The following CPQ variants were observed in gnomAD, a reference collection of about 807,000 sequenced individuals.
The protein encoded by CPQ is carboxypeptidase Q, also known as Ser-Met dipeptidase.
Under a neutral mutation model 45.7 loss-of-function variants are expected in CPQ, and 37 were observed. That is an observed-to-expected ratio of 0.81 (90% CI 0.62 to 1.07). The LOEUF (loss-of-function observed/expected upper bound fraction) is 1.07. CPQ is among the 50% of genes least tolerant of loss of function. The pLI is 0.00. For synonymous variants in CPQ, 186 were observed against 205.8 expected (o/e 0.90, Z 0.82); for missense variants, 537 against 572.9 (o/e 0.94, Z 0.64).
chr8:96,658,072 A>G (rs1478188568), intron 1 of CPQ, among the ~76,000 whole-genome samples: 1 of 152,208 alleles, frequency 6.6e-6, no homozygotes, highest in Non-Finnish European at 1.5e-5. Context: ...ACACCTGGCT[A>G]TTCTTTTGTA....
At chr8:97,117,497 A>G (rs1389585663) in intron 7 of CPQ, among the ~76,000 whole-genome samples, 1 of 152,102 alleles carries the variant, frequency 6.6e-6, no homozygotes, top group Non-Finnish European at 1.5e-5. Context: ...GACCCTAGAA[A>G]TCATGACAAT....
At chr8:96,819,631 T>C (rs1165041908) in intron 2 of CPQ, among the ~76,000 whole-genome samples, 2 of 152,114 alleles carry the variant, frequency 1.3e-5, no homozygotes, top group Non-Finnish European at 2.9e-5. Flanking sequence ...TTTGGCTATG[T>C]TTCTCAAAAC....
At chr8:96,869,564 C>G (rs73279808) in intron 3 of CPQ, among the ~76,000 whole-genome samples, 4,171 of 152,072 alleles carry the variant, frequency 0.027, 141 homozygotes, top group Middle Eastern at 0.092. Context: ...TATTTGTGAT[C>G]GAGTCTGTGA....
chr8:97,096,482 G>T (rs1213623473), intron 7 of CPQ, among the ~76,000 whole-genome samples: 2 of 152,096 alleles, frequency 1.3e-5, no homozygotes, highest in Admixed American at 1.3e-4. Flanking sequence ...AAATAACTAG[G>T]CAAAATATTA....
At chr8:96,998,250 G>C (rs1411808943) in intron 5 of CPQ, among the ~76,000 whole-genome samples, 1 of 151,806 alleles carries the variant, frequency 6.6e-6, no homozygotes, top group Non-Finnish European at 1.5e-5. Context: ...CAATTAAGTG[G>C]TAATCAAATT....
intron 7 of CPQ, among the ~76,000 whole-genome samples, chr8:97,097,329 T>C (rs970930794): frequency 1.3e-5 from 2 of 152,176 alleles, no homozygotes; most frequent in Non-Finnish European, 2.9e-5. Context: ...GATCTCTTCT[T>C]TTTTTTGAGT....
intron 4 of CPQ, among the ~76,000 whole-genome samples, chr8:96,913,029 T>TGCACAA (rs1812688971): frequency 6.6e-6 from 1 of 152,166 alleles, no homozygotes; most frequent in African/African-American, 2.4e-5. Context: ...ACCTCACACA[T>TGCACAA]GCACAAGCAC....
Position 97,123,720 on chromosome 8 carries a change from C to T in CPQ, c.1256-19300C>T, listed in dbSNP as rs555046269. Among the ~76,000 whole-genome samples the T allele has an allele frequency of 7.0e-4, 106 of 151,742 alleles. 4 individuals carry two copies. The South Asian group carries it at 0.021, about 30-fold the overall frequency. On this transcript the variant is annotated intron_variant, in intron 7 of 7. Coordinates refer to ENST00000220763, the MANE Select transcript of CPQ (RefSeq NM_016134.4). ...CCATGCCCCATTAAAAGACAGAAAT[C>T]GTCAAACTGAATAAAAAAAGCAAGA...
chr8:96,751,744 T>G (rs1443762105), intron 1 of CPQ, among the ~76,000 whole-genome samples: 1 of 152,184 alleles, frequency 6.6e-6, no homozygotes, highest in African/African-American at 2.4e-5. Context: ...TTGCCTAGAT[T>G]TTGTTCTAGG....
intron 4 of CPQ, among the ~76,000 whole-genome samples, chr8:96,950,674 C>A (rs1282794678): frequency 6.6e-6 from 1 of 152,094 alleles, no homozygotes; most frequent in Admixed American, 6.6e-5. Context: ...AGAACATACA[C>A]CATAGCAATT....
chr8:97,074,584 C>A (rs1810810283), intron 7 of CPQ, among the ~76,000 whole-genome samples: 1 of 152,156 alleles, frequency 6.6e-6, no homozygotes, highest in African/African-American at 2.4e-5. Flanking sequence ...CCAGCCTGAC[C>A]AACATGGTGA....
At chr8:96,650,312 A>G (rs1021555780) in intron 1 of CPQ, among the ~76,000 whole-genome samples, 1 of 152,234 alleles carries the variant, frequency 6.6e-6, no homozygotes, top group Non-Finnish European at 1.5e-5. Flanking sequence ...TCTATGACAA[A>G]CAGGTGTTAA....
At chr8:96,767,753 C>T (rs1401251662) in intron 1 of CPQ, among the ~76,000 whole-genome samples, 1 of 149,072 alleles carries the variant, frequency 6.7e-6, no homozygotes, top group African/African-American at 2.5e-5. Flanking sequence ...AAGCGATTCT[C>T]CTGCCTCAGC....
Position 97,029,413 on chromosome 8 carries a change from A to G in CPQ, c.972A>G (p.Pro324=), listed in dbSNP as rs770693188. The G allele has an allele frequency of 1.9e-6, 3 of 1,606,364 alleles. No individual in the cohort carries two copies. Among genetic ancestry groups the G allele is most frequent in the East Asian group, 4.5e-5 (2 of 44,774 alleles). The change falls in exon 6 of 8, where the codon CCA becomes CCG. Residue 324 remains proline (P), a synonymous_variant. Transcript: ENST00000220763. ...LSLIKDLGLR[P]KRTLRLVLWT... ...TTATTATTTTCCCAGGGCTGCGTCCAAAGAGGACTCTGCGGCTGGTGCTCT... is the reference window on the plus strand; with the variant it reads ...TTATTATTTTCCCAGGGCTGCGTCCGAAGAGGACTCTGCGGCTGGTGCTCT...
Position 96,817,569 on chromosome 8 carries a change from A to T in CPQ, c.434-17404A>T, listed in dbSNP as rs147658710. 2.0e-5 allele frequency among the ~76,000 whole-genome samples: 3 copies of T among 151,548 alleles called. No homozygotes were observed. The East Asian group carries it at 5.8e-4, about 30-fold the overall frequency. ...GAACTTTCACCCTATCAGCAATAAG[A>T]CTATTTTGCTTTCTTATCACTCACG... On this transcript the variant is annotated intron_variant, in intron 2 of 7. Coordinates refer to ENST00000220763, the MANE Select transcript of CPQ (RefSeq NM_016134.4).
intron 7 of CPQ, among the ~76,000 whole-genome samples, chr8:97,096,978 A>G (rs780119822): frequency 1.3e-5 from 2 of 152,218 alleles, no homozygotes; most frequent in Non-Finnish European, 2.9e-5. Flanking sequence ...TTAACAGCCC[A>G]GGAGAGAATT....
chr8:96,773,993 A>G (rs1010925904), intron 1 of CPQ, among the ~76,000 whole-genome samples: 1 of 152,184 alleles, frequency 6.6e-6, no homozygotes, highest in Admixed American at 6.5e-5. Flanking sequence ...AACATGGGCC[A>G]GGTATGATGG....
chr8:97,046,577 G>A (rs140668905), intron 6 of CPQ, among the ~76,000 whole-genome samples: 154 of 152,310 alleles, frequency 1.0e-3, no homozygotes, highest in African/African-American at 3.5e-3. Context: ...TCTGTTACTA[G>A]TTAAAACGGG....
At chr8:96,764,083 C>G (rs190974085) in intron 1 of CPQ, among the ~76,000 whole-genome samples, 1 of 152,276 alleles carries the variant, frequency 6.6e-6, no homozygotes, top group Admixed American at 6.5e-5. Flanking sequence ...TTATAGCCCT[C>G]CTTGTTATAG....
Sources: gnomAD v4.1 joint callset for allele counts (sites outside exome capture counted in the v4.1 genomes callset) on GRCh38, gnomAD v4.1.1 for gene constraint, MANE v1.5 for transcripts, NCBI Gene and HGNC (gene_info 2026-07-23, HGNC 2026-07-21) for gene names.